The following BMPR1B variants were observed in gnomAD, a reference collection of about 807,000 sequenced individuals.
BMPR1B encodes bone morphogenetic protein receptor type-1B.
BMPR1B carries 12 observed loss-of-function variants against 59.1 expected under a neutral mutation model. That is an observed-to-expected ratio of 0.20 (90% CI 0.13 to 0.33). The LOEUF is 0.33. Among genes scored for constraint, BMPR1B ranks in the 10% least tolerant of loss-of-function variants. BMPR1B has a pLI of 1.00. For missense variants in BMPR1B, 550 were observed against 610.9 expected (o/e 0.90, Z 1.05); for synonymous variants, 237 against 207.3 (o/e 1.14, Z -1.23).
intron 3 of BMPR1B, among the ~76,000 whole-genome samples, chr4:95,076,727 G>A (rs1052634505): frequency 9.2e-5 from 14 of 152,198 alleles, no homozygotes; most frequent in Middle Eastern, 3.4e-3. Context: ...GCCAGAACAT[G>A]TGTGTGCAAC....
At chr4:94,783,319 T>C (rs190499692) in intron 1 of BMPR1B, among the ~76,000 whole-genome samples, 1 of 152,230 alleles carries the variant, frequency 6.6e-6, no homozygotes, top group Non-Finnish European at 1.5e-5. Flanking sequence ...TTAACTCTTT[T>C]CCTAGTTCTC....
intron 2 of BMPR1B, among the ~76,000 whole-genome samples, chr4:94,975,176 C>T (rs1730973167): frequency 6.6e-6 from 1 of 151,970 alleles, no homozygotes; most frequent in African/African-American, 2.4e-5. Context: ...TGTCCTCAGC[C>T]AGAATATAGA....
chr4:95,126,844 T>C (rs975576617), intron 8 of BMPR1B, among the ~76,000 whole-genome samples: 1 of 152,178 alleles, frequency 6.6e-6, no homozygotes, highest in Non-Finnish European at 1.5e-5. Context: ...GAATACCTCA[T>C]CTTAACATTG....
At chr4:95,030,291 G>T (rs1344894848) in intron 3 of BMPR1B, among the ~76,000 whole-genome samples, 1 of 152,144 alleles carries the variant, frequency 6.6e-6, no homozygotes, top group Non-Finnish European at 1.5e-5. Context: ...ATTAATTTTT[G>T]TATAAGGTGT....
At chr4:94,833,497 T>C (rs1308878435) in intron 1 of BMPR1B, among the ~76,000 whole-genome samples, 6 of 152,196 alleles carry the variant, frequency 3.9e-5, no homozygotes. Context: ...TCTCATGAAA[T>C]GCTTGTTATT....
At chr4:94,790,899 TCTTA>T (rs780731809) in intron 1 of BMPR1B, among the ~76,000 whole-genome samples, 15 of 152,198 alleles carry the variant, frequency 9.9e-5, no homozygotes, top group Non-Finnish European at 2.1e-4. Context: ...TAATTGGTAT[TCTTA>T]CGTTGCCTTT....
At chr4:95,138,919 C>A (rs997792196) in intron 10 of BMPR1B, among the ~76,000 whole-genome samples, 1 of 152,222 alleles carries the variant, frequency 6.6e-6, no homozygotes, top group Admixed American at 6.5e-5. Flanking sequence ...CTCAACTCGT[C>A]AAAGTCATTC....
intron 3 of BMPR1B, among the ~76,000 whole-genome samples, chr4:95,014,464 TTTG>T (rs1296157689): frequency 6.6e-6 from 1 of 152,170 alleles, no homozygotes; most frequent in Non-Finnish European, 1.5e-5. Context: ...CAATTTCAAT[TTTG>T]TTATGTCAAA....
intron 2 of BMPR1B, among the ~76,000 whole-genome samples, chr4:94,923,279 C>T (rs112203290): frequency 2.0e-5 from 3 of 151,750 alleles, no homozygotes; most frequent in Non-Finnish European, 4.4e-5. Context: ...TCCTATTTGC[C>T]GATGAGAAAA....
At position 95,116,421 on chromosome 4, in the gene BMPR1B, G is replaced by GCGCGCGCACACACACACACACACACACA; in HGVS notation, c.349+635_349+636insGCGCGCACACACACACACACACACACAC. Among the ~76,000 whole-genome samples the GCGCGCGCACACACACACACACACACACA allele has an allele frequency of 4.3e-4, 53 of 123,244 alleles. 1 individual carries two copies. The highest frequency in any genetic ancestry group is 1.9e-3 in the African/African-American group (53 of 27,852). The allele number at this position is 123,244 out of a possible 152,430, so 80.9% of individuals were successfully genotyped here. A position where few individuals can be genotyped will look rare whatever the true frequency, so the allele number is the denominator to read the frequency against. On this transcript the variant is annotated intron_variant, in intron 6 of 12. Transcript: ENST00000515059. ...CTCCTCCTCCATGCTTTCAGCGCGC[G>GCGCGCGCACACACACACACACACACACA]CACACACACACACACACACACACAC...
intron 3 of BMPR1B, among the ~76,000 whole-genome samples, chr4:95,013,638 A>T (rs1270421252): frequency 6.6e-6 from 1 of 152,244 alleles, no homozygotes; most frequent in Non-Finnish European, 1.5e-5. Context: ...AGCACTACTG[A>T]TACATGGAAT....
intron 2 of BMPR1B, among the ~76,000 whole-genome samples, chr4:94,876,410 T>C (rs1726733432): frequency 6.6e-6 from 1 of 152,198 alleles, no homozygotes; most frequent in African/African-American, 2.4e-5. Flanking sequence ...CCACATATAT[T>C]AGTGAACGTT....
intron 1 of BMPR1B, among the ~76,000 whole-genome samples, chr4:94,832,760 G>T (rs985622502): frequency 1.3e-5 from 2 of 151,856 alleles, no homozygotes; most frequent in African/African-American, 4.8e-5. Flanking sequence ...TACAGCCTGG[G>T]CAACAGAGTA....
chr4:95,003,128 A>G (rs1722569345), intron 3 of BMPR1B, among the ~76,000 whole-genome samples: 1 of 152,112 alleles, frequency 6.6e-6, no homozygotes, highest in Non-Finnish European at 1.5e-5. Context: ...TTTTTATTAA[A>G]GCTAACCAAT....
intron 3 of BMPR1B, among the ~76,000 whole-genome samples, chr4:95,026,102 C>A (rs1036678604): frequency 1.7e-5 from 2 of 120,444 alleles, no homozygotes; most frequent in African/African-American, 6.6e-5. Flanking sequence ...TCTTTCATTT[C>A]TTTCTTTCTT....
chr4:95,136,304 G>C (rs944543008), intron 10 of BMPR1B, among the ~76,000 whole-genome samples: 3 of 152,150 alleles, frequency 2.0e-5, no homozygotes, highest in Non-Finnish European at 4.4e-5. Flanking sequence ...AGCTGGATTC[G>C]TTTTGCCAGT....
chr4:95,061,122 C>T (rs1005499318), intron 3 of BMPR1B, among the ~76,000 whole-genome samples: 2 of 150,320 alleles, frequency 1.3e-5, no homozygotes, highest in South Asian at 4.2e-4. Flanking sequence ...CAGAGAGCTC[C>T]TGTGTTCACT....
At chr4:94,925,660 A>G (rs1347022597) in intron 2 of BMPR1B, among the ~76,000 whole-genome samples, 1 of 152,190 alleles carries the variant, frequency 6.6e-6, no homozygotes. Context: ...TCCACATGTA[A>G]AGAAAAGCAC....
chr4:95,032,248 T>C (rs1357378405), intron 3 of BMPR1B, among the ~76,000 whole-genome samples: 1 of 151,888 alleles, frequency 6.6e-6, no homozygotes, highest in Non-Finnish European at 1.5e-5. Flanking sequence ...CTCACATGAC[T>C]GGGGGAGAGA....
Sources: allele counts gnomAD v4.1 joint callset (sites outside exome capture counted in the v4.1 genomes callset), GRCh38; gene constraint gnomAD v4.1.1; transcripts MANE v1.5; gene names NCBI Gene and HGNC (gene_info 2026-07-23, HGNC 2026-07-21).